Variants in RALYL observed in about 807,000 individuals in gnomAD.
RALYL encodes the protein RNA-binding Raly-like protein.
RALYL carries 29 observed loss-of-function variants against 35.1 expected under a neutral mutation model. The ratio of observed to expected loss-of-function variants is 0.83; its 90% CI spans 0.61 to 1.13. The LOEUF (loss-of-function observed/expected upper bound fraction) is 1.13. Ranked by LOEUF, RALYL falls within the 50% of genes most tolerant of loss-of-function variation. The probability of loss-of-function intolerance (pLI) is 0.00; values close to 1 mark genes in which losing one functional copy is unlikely to be tolerated. For synonymous variants in RALYL, 120 were observed against 127.6 expected (o/e 0.94, Z 0.40); for missense variants, 359 against 360.4 (o/e 1.00, Z 0.03).
chr8:84,897,324 T>C (rs1423280722), intron 8 of RALYL, among the ~76,000 whole-genome samples: 3 of 152,194 alleles, frequency 2.0e-5, no homozygotes, highest in Non-Finnish European at 4.4e-5. Context: ...ATATGAAACT[T>C]TGTATTTTTA....
chr8:84,420,135 T>G (rs1232036705), intron 1 of RALYL, among the ~76,000 whole-genome samples: 1 of 151,876 alleles, frequency 6.6e-6, no homozygotes, highest in Non-Finnish European at 1.5e-5. Context: ...ACTTCCACAA[T>G]GGTTGAACTA....
chr8:84,595,763 G>GTTTTTT (rs35714907), intron 2 of RALYL, among the ~76,000 whole-genome samples: 3 of 120,200 alleles, frequency 2.5e-5, no homozygotes, highest in African/African-American at 9.0e-5. Context: ...AAAACCATAA[G>GTTTTTT]TTTTTTTTTT....
At chr8:84,880,356 T>C (rs574688093) in intron 7 of RALYL, among the ~76,000 whole-genome samples, 1 of 152,218 alleles carries the variant, frequency 6.6e-6, no homozygotes, top group Non-Finnish European at 1.5e-5. Flanking sequence ...AGGGGAATAT[T>C]GAAGCCATCT....
At chr8:84,416,388 C>T (rs1301569230) in intron 1 of RALYL, among the ~76,000 whole-genome samples, 1 of 151,992 alleles carries the variant, frequency 6.6e-6, no homozygotes, top group Non-Finnish European at 1.5e-5. Flanking sequence ...GGATAAAGGC[C>T]CAGGGGCAGG....
At chr8:84,698,260 G>A (rs1026806957) in intron 2 of RALYL, among the ~76,000 whole-genome samples, 1 of 152,022 alleles carries the variant, frequency 6.6e-6, no homozygotes, top group African/African-American at 2.4e-5. Context: ...TACAAAGCAA[G>A]CACTTAATAA....
chr8:84,675,232 T>A (rs1305098339), intron 2 of RALYL, among the ~76,000 whole-genome samples: 2 of 152,176 alleles, frequency 1.3e-5, no homozygotes, highest in South Asian at 2.1e-4. Flanking sequence ...ATATGCTTAT[T>A]AAATGTTCTT....
At chr8:84,853,202 C>T (rs1374073608) in intron 5 of RALYL, among the ~76,000 whole-genome samples, 3 of 152,198 alleles carry the variant, frequency 2.0e-5, no homozygotes, top group African/African-American at 7.2e-5. Flanking sequence ...CTAGCCCTCA[C>T]TCAAGATGGA....
chr8:84,196,997 G>A (rs926052314), intron 1 of RALYL, among the ~76,000 whole-genome samples: 4 of 152,122 alleles, frequency 2.6e-5, no homozygotes, highest in Admixed American at 2.0e-4. Flanking sequence ...TCAGAAATTG[G>A]TAACATCTTC....
intron 1 of RALYL, among the ~76,000 whole-genome samples, chr8:84,429,983 T>C (rs1463207106): frequency 6.6e-6 from 1 of 150,656 alleles, no homozygotes; most frequent in Non-Finnish European, 1.5e-5. Context: ...CAAGAAAAGA[T>C]AGGAAATAGA....
intron 1 of RALYL, among the ~76,000 whole-genome samples, chr8:84,396,216 T>C (rs1369437376): frequency 6.6e-6 from 1 of 152,028 alleles, no homozygotes; most frequent in Non-Finnish European, 1.5e-5. Context: ...GAAATAAGAA[T>C]AATATCTATG....
intron 2 of RALYL, among the ~76,000 whole-genome samples, chr8:84,637,430 C>T (rs1825306335): frequency 6.6e-6 from 1 of 151,824 alleles, no homozygotes; most frequent in Admixed American, 6.6e-5. Context: ...CCTGTGCTCC[C>T]ATCAGGCCTG....
chr8:84,797,994 T>C (rs554600326), intron 3 of RALYL, among the ~76,000 whole-genome samples: 39 of 152,302 alleles, frequency 2.6e-4, no homozygotes, highest in Admixed American at 9.8e-4. Context: ...CCAGAACAGA[T>C]CTTCTGCCCC....
chr8:84,292,064 C>T (rs1838866035), intron 1 of RALYL, among the ~76,000 whole-genome samples: 1 of 151,620 alleles, frequency 6.6e-6, no homozygotes. Flanking sequence ...TATAAAAAGT[C>T]AGGCTTGCTG....
At chr8:84,640,772 A>C (rs1230971738) in intron 2 of RALYL, among the ~76,000 whole-genome samples, 1 of 151,968 alleles carries the variant, frequency 6.6e-6, no homozygotes, top group African/African-American at 2.4e-5. Context: ...TGAACTTCTG[A>C]GGTATGATTC....
At chr8:84,450,423 G>A (rs988693991) in intron 1 of RALYL, among the ~76,000 whole-genome samples, 2 of 151,770 alleles carry the variant, frequency 1.3e-5, no homozygotes, top group Non-Finnish European at 2.9e-5. Flanking sequence ...CAGGCTGCAT[G>A]GAAGCTAAAT....
intron 2 of RALYL, among the ~76,000 whole-genome samples, chr8:84,654,829 T>G (rs1829639672): frequency 6.6e-6 from 1 of 152,184 alleles, no homozygotes; most frequent in Non-Finnish European, 1.5e-5. Context: ...TTCATTCATC[T>G]GTTTATGGGC....
At chr8:84,460,362 G>A (rs2050619672) in intron 1 of RALYL, among the ~76,000 whole-genome samples, 2 of 151,664 alleles carry the variant, frequency 1.3e-5, no homozygotes, top group Admixed American at 1.3e-4. Context: ...TTGTATACTT[G>A]CAAAGTGAAG....
At chr8:84,424,234 A>G (rs2046057837) in intron 1 of RALYL, among the ~76,000 whole-genome samples, 1 of 149,078 alleles carries the variant, frequency 6.7e-6, no homozygotes, top group South Asian at 2.2e-4. Context: ...TATTTCTTGG[A>G]GGCTTTGCTC....
chr8:84,659,503 G>A (rs995488235), intron 2 of RALYL, among the ~76,000 whole-genome samples: 1 of 151,970 alleles, frequency 6.6e-6, no homozygotes, highest in Non-Finnish European at 1.5e-5. Flanking sequence ...GTAGCTTGTT[G>A]CAGCACTAAA....
Sources: gnomAD v4.1 joint callset for allele counts (sites outside exome capture counted in the v4.1 genomes callset) on GRCh38, gnomAD v4.1.1 for gene constraint, MANE v1.5 for transcripts, NCBI Gene and HGNC (gene_info 2026-07-23, HGNC 2026-07-21) for gene names.